TARBP1: variants seen among roughly 807,000 people sequenced by gnomAD.
The protein encoded by TARBP1 is tRNA (guanosine(18)-2'-O)-methyltransferase TARBP1.
In TARBP1, 144 loss-of-function variants were observed where a neutral mutation model predicts 178.6. The ratio of observed to expected loss-of-function variants is 0.81; its 90% confidence interval spans 0.70 to 0.93. The LOEUF is 0.93. Ranked by LOEUF, TARBP1 falls within the 40% of genes least tolerant of loss-of-function variation. TARBP1 has a pLI of 0.00. For synonymous variants in TARBP1, 787 were observed against 781.0 expected, an observed-to-expected ratio of 1.01 and a Z score of -0.13; for missense variants, 2,067 against 2,011.7, an observed-to-expected ratio of 1.03 and a Z score of -0.53.
intron 17 of TARBP1, among the ~76,000 whole-genome samples, chr1:234,428,748 G>A (rs185786492): frequency 1.7e-4 from 26 of 152,202 alleles, no homozygotes; most frequent in East Asian, 1.5e-3. Context: ...GTTTTGCCAC[G>A]TTGGCCAGGC....
chr1:234,437,998 G>T (rs188220130), intron 12 of TARBP1, among the ~76,000 whole-genome samples: 2 of 152,320 alleles, frequency 1.3e-5, no homozygotes, highest in African/African-American at 4.8e-5. Context: ...GAACAGAGTT[G>T]CCCACTGGCC....
At position 234,419,130 on chromosome 1, in the gene TARBP1, G is replaced by A. The variant is rs187211031; in HGVS notation, c.3556-897C>T. 4.2e-3 allele frequency among the ~76,000 whole-genome samples: 637 copies of A among 152,022 alleles called. 2 individuals carry two copies. The highest frequency in any genetic ancestry group is 6.8e-3 in the Middle Eastern group (2 of 294). On this transcript the variant is annotated intron_variant, in intron 21 of 29. Transcript: ENST00000040877. ...GGAGCCTGCAGTGAGCCGAGATCGT[G>A]CCACTGCACTCCAGCCTGGGTGAAA...
rs181146139 is a variant in TARBP1, at chr1:234,432,370, A to G, written c.2394+1040T>C. Among the ~76,000 whole-genome samples, 14 of 152,206 alleles carry G rather than the reference A, an allele frequency of 9.2e-5. 1 individual carries two copies. In the East Asian group the frequency reaches 2.3e-3, roughly 25 times the overall value. ...GATAGGAGAACTGCTTGAACCCAGG[A>G]GGCTGAGACTGCAGTGAGCCAAGAT... is the stretch of plus-strand genomic sequence containing the variant. On this transcript the variant is annotated intron_variant, in intron 14 of 29. Coordinates refer to ENST00000040877, the MANE Select transcript of TARBP1 (RefSeq NM_005646.4).
intron 20 of TARBP1, among the ~76,000 whole-genome samples, chr1:234,422,865 A>G (rs1337509627): frequency 1.3e-5 from 2 of 152,210 alleles, no homozygotes; most frequent in Non-Finnish European, 2.9e-5. Context: ...ATATACACCT[A>G]CTATAGACCC....
At chr1:234,422,770 C>T (rs1040158286) in intron 20 of TARBP1, among the ~76,000 whole-genome samples, 2 of 152,094 alleles carry the variant, frequency 1.3e-5, no homozygotes, top group East Asian at 3.8e-4. Flanking sequence ...AGCATAAATG[C>T]TTGAGGTGAC....
At chr1:234,453,307 ACT>A (rs1321371181) in intron 9 of TARBP1, among the ~76,000 whole-genome samples, 1 of 148,034 alleles carries the variant, frequency 6.8e-6, no homozygotes, top group Non-Finnish European at 1.5e-5. Flanking sequence ...GTATGTGGAA[ACT>A]CTCTGTACTT....
intron 11 of TARBP1, among the ~76,000 whole-genome samples, chr1:234,447,345 C>CAAAAAA (rs34101720): frequency 1.0e-5 from 1 of 100,334 alleles, no homozygotes; most frequent in African/African-American, 3.6e-5. Flanking sequence ...TTTAAAAATC[C>CAAAAAA]AAAAAAAAAA....
At chr1:234,392,667 G>T in intron 28 of TARBP1, 115 bp from the exon 29 acceptor site, 3 of 816,436 alleles carry the variant, frequency 3.7e-6, no homozygotes, top group Non-Finnish European at 3.7e-6. Flanking sequence ...AAAAAGGAGA[G>T]AATTATACAT....
At chr1:234,463,971 T>C (rs1668174441) in intron 5 of TARBP1, 37 bp from the exon 6 acceptor site, 1 of 1,402,092 alleles carries the variant, frequency 7.1e-7, no homozygotes, top group Non-Finnish European at 9.7e-7. Context: ...ATATTTAACA[T>C]TTATTTACAA....
chr1:234,433,672 C>G (rs1282371127), intron 13 of TARBP1, 101 bp from the exon 14 acceptor site: 8 of 1,112,980 alleles, frequency 7.2e-6, no homozygotes, highest in Non-Finnish European at 9.0e-6. Context: ...AGGACCACAA[C>G]AAGACACTGA....
chr1:234,410,503 C>T lies in TARBP1; in HGVS notation c.3734G>A (p.Cys1245Tyr). The change falls in exon 23 of 30, where the codon TGT becomes TAT. Residue 1245 changes from cysteine (C) to tyrosine (Y), a missense_variant. Cys to Tyr is a radical substitution (Grantham distance 194). Coordinates refer to ENST00000040877, the MANE Select transcript of TARBP1 (RefSeq NM_005646.4). ...ATGTGATAAAACTGCTAAAAACGTA[C>T]AAATGCTTGTTTTAAGATTTTCTTC... ...YGEENLKTSI[C>Y]TFLAVLSHLD... The T allele has an allele frequency of 1.3e-6, 2 of 1,512,856 alleles. No homozygotes were observed. The highest frequency in any genetic ancestry group is 1.2e-5 in the South Asian group (1 of 85,592). The allele number at this position is 1,512,856 out of a possible 1,614,324, so 93.7% of individuals were successfully genotyped here.
Position 234,437,278 on chromosome 1 carries a change from AT to A in TARBP1, c.2228del (p.Asn743IlefsTer13). The stretch of plus-strand genomic sequence containing the variant: ...AGTTATTCCACTGAATACTTACACT[AT>A]TTAGCTCATTCATAGTAAGTCTTCT... ...ILRRLTMNEL[N>X]SVSDLDRCHL... On this transcript the variant is annotated frameshift_variant, in exon 13 of 30. Transcript: ENST00000040877. LOFTEE classifies it high-confidence loss of function. 6.7e-7 allele frequency: 1 copy of A among 1,496,286 alleles called. No homozygotes were observed. The highest frequency in any genetic ancestry group is 9.2e-7 in the Non-Finnish European group (1 of 1,090,214). The allele number at this position is 1,496,286 out of a possible 1,614,324, so 92.7% of individuals were successfully genotyped here. A position where few individuals can be genotyped will look rare whatever the true frequency, so the allele number is the denominator to read the frequency against.
chr1:234,424,163 C>T (rs1265250612), intron 20 of TARBP1, among the ~76,000 whole-genome samples: 2 of 152,200 alleles, frequency 1.3e-5, no homozygotes, highest in African/African-American at 2.4e-5. Context: ...AGAGGGACTT[C>T]CATGAGTTCT....
chr1:234,401,037 A>G lies in TARBP1; in HGVS notation c.4071+144T>C, dbSNP rs528616620. On this transcript the variant is annotated intron_variant, in intron 25 of 29. Transcript: ENST00000040877. The stretch of plus-strand genomic sequence containing the variant: ...GTCATCTGCATAAAGTGACAAAGTT[A>G]AACTTAGAACTTTAAAATGTTAAGG... The G allele has an allele frequency of 8.5e-5, 50 of 591,104 alleles. No individual in the cohort carries two copies. In the African/African-American group the frequency reaches 8.6e-4, roughly 10 times the overall value. The allele number at this position is 591,104 out of a possible 1,614,324, so 36.6% of individuals were successfully genotyped here. A position where few individuals can be genotyped will look rare whatever the true frequency, so the allele number is the denominator to read the frequency against.
Position 234,393,709 on chromosome 1 carries a change from C to T in TARBP1, c.4372G>A (p.Gly1458Arg), listed in dbSNP as rs749220682. ...LLFQDRAARL[G>R]KSISRLIVVA... ...ACGATGAGTCTACTAATTGACTTTC[C>T]AAGTCTGGCAGCACGATCCTGAAAC... The change falls in exon 27 of 30, where the codon GGA (glycine) becomes AGA (arginine). Residue 1458 changes from glycine to arginine, a missense_variant. Transcript: ENST00000040877. 5 of 1,613,950 alleles carry T rather than the reference C, an allele frequency of 3.1e-6. No individual in the cohort carries two copies. Among genetic ancestry groups the T allele is most frequent in the Non-Finnish European group, 4.2e-6 (5 of 1,179,992 alleles).
intron 1 of TARBP1, 65 bp from the exon 2 acceptor site, chr1:234,472,876 A>G (rs1669209380): frequency 8.3e-7 from 1 of 1,211,280 alleles, no homozygotes; most frequent in Non-Finnish European, 1.2e-6. Context: ...TCTCAATGAC[A>G]GCAGTTCTTA....
At chr1:234,451,748 CAA>C (rs766485621) in intron 9 of TARBP1, among the ~76,000 whole-genome samples, 4,464 of 6,624 alleles carry the variant, frequency 0.67, 1,859 homozygotes, top group African/African-American at 0.8. Context: ...GACTCCGTCT[CAA>C]AAAAAAAAAA....
In TARBP1 at chr1:234,465,798, A is replaced by C. The variant is rs935439670; in HGVS notation, c.1249-90T>G. ...GTTTCCCTGATTGAACATCCTACAC[A>C]GGCTTACAGAAGACCTGCTATAAGC... On this transcript the variant is annotated intron_variant, in intron 4 of 29. Transcript: ENST00000040877. 4.9e-6 allele frequency: 6 copies of C among 1,217,548 alleles called. No individual in the cohort carries two copies. The African/African-American group carries it at 7.9e-5, about 16-fold the overall frequency. 75.4% of individuals were successfully genotyped at this position (1,217,548 alleles called of 1,614,324 possible).
rs373406252 is a variant in TARBP1, at chr1:234,446,863, G to A, written c.2074C>T (p.Leu692Phe). Residue 692 changes from leucine (L) to phenylalanine (F), a missense_variant, in exon 12 of 30, where the codon CTC becomes TTC. Physicochemically the swap from Leu to Phe is conservative, Grantham distance 22. Coordinates refer to ENST00000040877, the MANE Select transcript of TARBP1 (RefSeq NM_005646.4). ...YMPLLKTDRC[L>F]QLLLKLLNTC... ...TTCAACAGCTTCAACAGCAGCTGGA[G>A]GCATCTGTCAGTCTTCAGCAAGGGC... 123 of 1,613,908 alleles carry A rather than the reference G, an allele frequency of 7.6e-5. No individual in the cohort carries two copies. Among genetic ancestry groups the A allele is most frequent in the Non-Finnish European group, 1.0e-4 (120 of 1,179,990 alleles).
Sources: gnomAD v4.1 joint callset for allele counts (sites outside exome capture counted in the v4.1 genomes callset) on GRCh38, gnomAD v4.1.1 for gene constraint, MANE v1.5 for transcripts, NCBI Gene and HGNC (gene_info 2026-07-23, HGNC 2026-07-21) for gene names.